CTNNA2: variants seen among roughly 807,000 people sequenced by gnomAD.
CTNNA2 encodes the protein catenin alpha 2, also known as catenin alpha-2.
In CTNNA2, 42 loss-of-function variants were observed where a neutral mutation model predicts 101.0. That is an observed-to-expected ratio of 0.42 (90% CI 0.32 to 0.54). The LOEUF (loss-of-function observed/expected upper bound fraction) is 0.54, where lower values mean the gene tolerates loss of function less well. Among genes scored for constraint, CTNNA2 ranks in the 20% least tolerant of loss-of-function variants. The pLI is 0.14. For synonymous variants in CTNNA2, 450 were observed against 456.4 expected (o/e 0.99, Z 0.18); for missense variants, 871 against 1,223.1 (o/e 0.71, Z 4.29).
chr2:79,793,882 A>ATG (rs1675477926), intron 3 of CTNNA2, among the ~76,000 whole-genome samples: 1 of 123,734 alleles, frequency 8.1e-6, no homozygotes, highest in Non-Finnish European at 1.6e-5. Context: ...ACACACACAC[A>ATG]CTCATGCACA....
intron 4 of CTNNA2, among the ~76,000 whole-genome samples, chr2:79,388,985 A>G (rs1297019473): frequency 6.6e-6 from 1 of 152,138 alleles, no homozygotes; most frequent in Admixed American, 6.6e-5. Context: ...CTGGTTTGCC[A>G]TTTGGGGTTA....
intron 3 of CTNNA2, among the ~76,000 whole-genome samples, chr2:79,369,251 T>C (rs967046926): frequency 6.6e-6 from 1 of 152,142 alleles, no homozygotes. Flanking sequence ...GATTCAGCAT[T>C]TCCTGGGGAG....
At chr2:79,258,559 C>T (rs940885259) in intron 2 of CTNNA2, among the ~76,000 whole-genome samples, 5 of 152,082 alleles carry the variant, frequency 3.3e-5, no homozygotes, top group African/African-American at 1.2e-4. Context: ...ATGATTGGAG[C>T]TCTCTTCTAT....
intron 7 of CTNNA2, among the ~76,000 whole-genome samples, chr2:80,316,799 T>C (rs1371353817): frequency 2.0e-5 from 3 of 152,200 alleles, no homozygotes; most frequent in Non-Finnish European, 4.4e-5. Context: ...CAAATATCTA[T>C]TGAGTACTTC....
At chr2:79,926,952 C>T (rs1178640867) in intron 7 of CTNNA2, among the ~76,000 whole-genome samples, 1 of 151,978 alleles carries the variant, frequency 6.6e-6, no homozygotes, top group Non-Finnish European at 1.5e-5. Context: ...GGTTGAGATA[C>T]TGAATTATTC....
chr2:80,587,456 AAC>A (rs1421478350), intron 14 of CTNNA2, among the ~76,000 whole-genome samples: 1 of 152,146 alleles, frequency 6.6e-6, no homozygotes, highest in Admixed American at 6.5e-5. Context: ...TATTTGAAAA[AAC>A]ACATATTATT....
chr2:80,513,635 T>A (rs1688883013), intron 9 of CTNNA2, among the ~76,000 whole-genome samples: 2 of 152,214 alleles, frequency 1.3e-5, no homozygotes. Context: ...TCCATCTTTC[T>A]TGTCACATGA....
chr2:79,195,342 C>T (rs1334194707), intron 1 of CTNNA2, among the ~76,000 whole-genome samples: 2 of 152,142 alleles, frequency 1.3e-5, no homozygotes, highest in Non-Finnish European at 1.5e-5. Flanking sequence ...AAGAGACTTC[C>T]CTTCTTCCTT....
At chr2:80,087,907 A>G (rs909699982) in intron 7 of CTNNA2, among the ~76,000 whole-genome samples, 2 of 151,778 alleles carry the variant, frequency 1.3e-5, no homozygotes, top group African/African-American at 4.8e-5. Context: ...TTATCACTCT[A>G]TCTTTGATAC....
At chr2:79,582,593 A>G (rs996145265) in intron 1 of CTNNA2, among the ~76,000 whole-genome samples, 10 of 152,168 alleles carry the variant, frequency 6.6e-5, no homozygotes, top group Non-Finnish European at 1.3e-4. Context: ...CTTGGTGTCT[A>G]ATGCTCAAAC....
At chr2:80,493,660 T>C (rs1687229983) in intron 9 of CTNNA2, among the ~76,000 whole-genome samples, 1 of 152,202 alleles carries the variant, frequency 6.6e-6, no homozygotes, top group Admixed American at 6.5e-5. Flanking sequence ...GCCTAATTTT[T>C]CCTTAGAAAG....
rs538233066 is a variant in CTNNA2 at position 79,408,319 on chromosome 2, A to T, written c.-135+34306A>T. 1.3e-3 allele frequency among the ~76,000 whole-genome samples: 186 copies of T among 148,726 alleles called. 1 individual carries two copies. The highest frequency in any genetic ancestry group is 3.9e-3 in the African/African-American group (159 of 40,336). On this transcript the variant is annotated intron_variant, in intron 4 of 21. Coordinates refer to the CTNNA2 transcript ENST00000466387. ...TTATTATTATTATTATTATTATTAT[A>T]ATACTTTAAGTTTTAGGGTACATGT... is the stretch of plus-strand genomic sequence containing the variant.
intron 2 of CTNNA2, among the ~76,000 whole-genome samples, chr2:79,248,322 A>G (rs1257601351): frequency 2.0e-5 from 3 of 152,010 alleles, no homozygotes; most frequent in Non-Finnish European, 4.4e-5. Context: ...AAACAAAAGT[A>G]AAAAGAAACA....
At chr2:79,671,716 C>CACATG in intron 2 of CTNNA2, among the ~76,000 whole-genome samples, 1 of 152,146 alleles carries the variant, frequency 6.6e-6, no homozygotes, top group East Asian at 1.9e-4. Flanking sequence ...GAAGAAGGGA[C>CACATG]ACATGATTTG....
chr2:79,460,159 C>T (rs947305770), intron 4 of CTNNA2, among the ~76,000 whole-genome samples: 2 of 152,016 alleles, frequency 1.3e-5, no homozygotes, highest in South Asian at 4.2e-4. Flanking sequence ...AATATCTCTA[C>T]CTGGTAACCT....
chr2:80,538,235 A>T (rs1333546839), intron 9 of CTNNA2, among the ~76,000 whole-genome samples: 1 of 152,020 alleles, frequency 6.6e-6, no homozygotes, highest in Non-Finnish European at 1.5e-5. Context: ...GATTAGATCC[A>T]ATTTGTCAAT....
intron 7 of CTNNA2, among the ~76,000 whole-genome samples, chr2:80,154,494 C>T (rs1318281007): frequency 2.6e-5 from 4 of 152,064 alleles, no homozygotes; most frequent in South Asian, 2.1e-4. Context: ...AATGTGATTA[C>T]GAGGGGTAGG....
At chr2:80,059,659 C>T (rs1389402259) in intron 7 of CTNNA2, among the ~76,000 whole-genome samples, 3 of 152,176 alleles carry the variant, frequency 2.0e-5, no homozygotes, top group Admixed American at 6.5e-5. Flanking sequence ...ACTAAATAAA[C>T]TTCCTGGAGT....
At chr2:80,485,176 T>C (rs1014703576) in intron 9 of CTNNA2, among the ~76,000 whole-genome samples, 11 of 152,162 alleles carry the variant, frequency 7.2e-5, no homozygotes, top group African/African-American at 2.7e-4. Context: ...TCTACTCTTA[T>C]TTTCATCCAC....
Sources: gnomAD v4.1 joint callset for allele counts (sites outside exome capture counted in the v4.1 genomes callset) on GRCh38, gnomAD v4.1.1 for gene constraint, MANE v1.5 for transcripts, NCBI Gene and HGNC (gene_info 2026-07-23, HGNC 2026-07-21) for gene names.